Variants in NUMB observed in about 807,000 individuals in gnomAD.
The protein encoded by NUMB is NUMB endocytic adaptor protein, also known as protein numb homolog.
Under a neutral mutation model 59.7 loss-of-function variants are expected in NUMB, and 29 were observed. The ratio of observed to expected loss-of-function variants is 0.49; its 90% CI spans 0.36 to 0.66. The LOEUF (loss-of-function observed/expected upper bound fraction) is 0.66. Ranked by LOEUF, NUMB falls within the 30% of genes least tolerant of loss-of-function variation. The pLI is 0.00. For missense variants in NUMB, 723 were observed against 822.0 expected (o/e 0.88, Z 1.47); for synonymous variants, 288 against 288.2 (o/e 1.00, Z 0.01).
chr14:73,367,294 T>TATATAC (rs1555375232), intron 2 of NUMB, among the ~76,000 whole-genome samples: 1 of 116,816 alleles, frequency 8.6e-6, no homozygotes, highest in African/African-American at 4.4e-5. Flanking sequence ...TATATATATA[T>TATATAC]ATACACACAC....
At chr14:73,332,890 T>G (rs960116058) in intron 4 of NUMB, among the ~76,000 whole-genome samples, 1 of 152,070 alleles carries the variant, frequency 6.6e-6, no homozygotes, top group African/African-American at 2.4e-5. Context: ...TTATTTTACC[T>G]AGCATACTGT....
chr14:73,314,813 C>T (rs919335619), intron 6 of NUMB, among the ~76,000 whole-genome samples: 9 of 151,736 alleles, frequency 5.9e-5, no homozygotes, highest in South Asian at 4.2e-4. Context: ...ATAATTGTGG[C>T]GATGTGTAAT....
intron 1 of NUMB, among the ~76,000 whole-genome samples, chr14:73,441,666 AG>A (rs1333079805): frequency 3.3e-5 from 5 of 152,084 alleles, no homozygotes; most frequent in Non-Finnish European, 5.9e-5. Flanking sequence ...GCTTGAGGCC[AG>A]GAGTTCCAGA....
intron 4 of NUMB, among the ~76,000 whole-genome samples, chr14:73,350,397 T>G (rs1416770192): frequency 6.6e-6 from 1 of 151,658 alleles, no homozygotes; most frequent in Non-Finnish European, 1.5e-5. Flanking sequence ...GGTCTCGAAC[T>G]CCTTACCTCA....
At chr14:73,378,010 CACACACACAT>C (rs1455091526) in intron 2 of NUMB, among the ~76,000 whole-genome samples, 94 of 149,422 alleles carry the variant, frequency 6.3e-4, no homozygotes, top group African/African-American at 2.2e-3. Context: ...CACACACACA[CACACACACAT>C]ACACACACAC....
At chr14:73,425,947 T>C (rs1897559362) in intron 1 of NUMB, among the ~76,000 whole-genome samples, 1 of 151,980 alleles carries the variant, frequency 6.6e-6, no homozygotes, top group Admixed American at 6.6e-5. Flanking sequence ...TAGGTGGGAC[T>C]ACAGGTACGT....
At chr14:73,375,709 C>T (rs1289696920) in intron 2 of NUMB, among the ~76,000 whole-genome samples, 2 of 152,084 alleles carry the variant, frequency 1.3e-5, no homozygotes, top group Non-Finnish European at 2.9e-5. Flanking sequence ...AATTATACAC[C>T]ATGACCAAGT....
At chr14:73,345,113 T>G (rs1892838412) in intron 4 of NUMB, among the ~76,000 whole-genome samples, 1 of 152,192 alleles carries the variant, frequency 6.6e-6, no homozygotes, top group Admixed American at 6.5e-5. Context: ...CCATCAGTGG[T>G]GGACTGGAAA....
chr14:73,386,481 G>A (rs1895528281), intron 2 of NUMB, among the ~76,000 whole-genome samples: 1 of 151,988 alleles, frequency 6.6e-6, no homozygotes, highest in Admixed American at 6.6e-5. Flanking sequence ...TCAGCATTAA[G>A]TAGGTCAGTT....
At chr14:73,296,004 T>C (rs1308013503) in intron 7 of NUMB, among the ~76,000 whole-genome samples, 2 of 152,204 alleles carry the variant, frequency 1.3e-5, no homozygotes. Context: ...CAAATATCAT[T>C]TTCTTAAAAT....
chr14:73,414,751 G>A (rs555976376), intron 1 of NUMB, among the ~76,000 whole-genome samples: 6 of 152,060 alleles, frequency 3.9e-5, no homozygotes, highest in East Asian at 3.9e-4. Context: ...ACTGAGTCTC[G>A]CTCTGTTGCC....
intron 3 of NUMB, among the ~76,000 whole-genome samples, chr14:73,360,782 T>C (rs940619722): frequency 1.6e-4 from 24 of 152,356 alleles, no homozygotes; most frequent in African/African-American, 5.8e-4. Flanking sequence ...CTTTTTCTAC[T>C]TTCTAAATAC....
At chr14:73,398,432 G>GTA (rs1231575109) in intron 2 of NUMB, among the ~76,000 whole-genome samples, 1 of 151,678 alleles carries the variant, frequency 6.6e-6, no homozygotes, top group Non-Finnish European at 1.5e-5. Context: ...GTGTGTGTGT[G>GTA]TGTGTGTGTG....
chr14:73,391,283 C>CT (rs369541360), intron 2 of NUMB, among the ~76,000 whole-genome samples: 2,973 of 133,716 alleles, frequency 0.022, 150 homozygotes, highest in South Asian at 0.17. Flanking sequence ...GATTTTTTTT[C>CT]TTTTTTTTTT....
At position 73,396,158 on chromosome 14, in the gene NUMB, C is replaced by G. The variant is rs569505811; in HGVS notation, c.-101+13779G>C. Among the ~76,000 whole-genome samples, 7 of 152,266 alleles carry G rather than the reference C, an allele frequency of 4.6e-5. No homozygotes were observed. The South Asian group carries it at 1.4e-3, about 32-fold the overall frequency. ...GGTGCAGTGGCACGACCATAGCTCA[C>G]TGTAACCTCAAACTCCTGGGCTCAA... On this transcript the variant is annotated intron_variant, in intron 2 of 12. Coordinates refer to ENST00000555238, the MANE Select transcript of NUMB (RefSeq NM_001005743.2).
rs145960207 is a variant in NUMB at position 73,418,061 on chromosome 14, T to C, written c.-232-7993A>G. Among the ~76,000 whole-genome samples the C allele has an allele frequency of 5.3e-5, 8 of 150,976 alleles. No homozygotes were observed. The East Asian group carries it at 1.2e-3, about 23-fold the overall frequency. Reference sequence around the variant, plus strand: ...CGGAGGTCACAGTGAGCTGAGATCATGCCACTGTACTCCAGCCTGGGTGAC... The same window carrying C: ...CGGAGGTCACAGTGAGCTGAGATCACGCCACTGTACTCCAGCCTGGGTGAC... On this transcript the variant is annotated intron_variant, in intron 1 of 12. Coordinates refer to ENST00000555238, the MANE Select transcript of NUMB (RefSeq NM_001005743.2).
At chr14:73,301,739 T>G (rs986666639) in intron 6 of NUMB, among the ~76,000 whole-genome samples, 1 of 151,462 alleles carries the variant, frequency 6.6e-6, no homozygotes, top group African/African-American at 2.4e-5. Flanking sequence ...CCCAAAGTGC[T>G]GGGATTACAG....
chr14:73,364,306 C>T (rs1308043407), intron 3 of NUMB, among the ~76,000 whole-genome samples: 1 of 151,872 alleles, frequency 6.6e-6, no homozygotes, highest in Non-Finnish European at 1.5e-5. Context: ...GAGTTCGAGA[C>T]CAGCCTGGCC....
At chr14:73,277,417 G>A (rs1566721674) in intron 12 of NUMB, 124 bp from the exon 13 acceptor site, 1 of 772,976 alleles carries the variant, frequency 1.3e-6, no homozygotes, top group East Asian at 2.7e-5. Flanking sequence ...ACATTTTGTG[G>A]TTTTGATAGG....
Sources: gnomAD v4.1 joint callset for allele counts (sites outside exome capture counted in the v4.1 genomes callset) on GRCh38, gnomAD v4.1.1 for gene constraint, MANE v1.5 for transcripts, NCBI Gene and HGNC (gene_info 2026-07-23, HGNC 2026-07-21) for gene names.